NADK: variants seen among roughly 807,000 people sequenced by gnomAD.
The protein encoded by NADK is poly(P)/ATP NAD kinase.
In NADK, 22 loss-of-function variants were observed where a neutral mutation model predicts 49.8. That is an observed-to-expected ratio of 0.44 (90% CI 0.32 to 0.63). NADK has a LOEUF of 0.63. Among genes scored for constraint, NADK ranks in the 30% least tolerant of loss-of-function variants. The pLI, the probability that NADK is intolerant of heterozygous loss-of-function variation, is 0.06. For missense variants in NADK, 438 were observed against 609.4 expected (o/e 0.72, Z 2.96); for synonymous variants, 268 against 253.7 (o/e 1.06, Z -0.54).
intron 2 of NADK, among the ~76,000 whole-genome samples, chr1:1,764,343 C>T (rs184336289): frequency 2.0e-5 from 3 of 152,316 alleles, no homozygotes; most frequent in African/African-American, 7.2e-5. Flanking sequence ...GGCACCATCA[C>T]AGCTGTGCTT....
chr1:1,777,816 C>T (rs895833739), intron 1 of NADK, among the ~76,000 whole-genome samples: 9 of 152,214 alleles, frequency 5.9e-5, no homozygotes, highest in African/African-American at 2.2e-4. Context: ...AAGTACTGGG[C>T]ACTAAATCAG....
rs115032510 is a variant in NADK, at chr1:1,761,862, T to A, written c.263+90A>T. On this transcript the variant is annotated intron_variant, in intron 3 of 11. Transcript: ENST00000341426. Reference sequence around the variant, plus strand: ...ACAACTCCACACACATCCCGAGGACTCCCCCATCCCATGGCCCCCGGCACT... The same window carrying A: ...ACAACTCCACACACATCCCGAGGACACCCCCATCCCATGGCCCCCGGCACT... 8,092 of 1,178,022 alleles carry A rather than the reference T, an allele frequency of 6.9e-3. 384 individuals are homozygous for A. The African/African-American group carries it at 0.1, about 15-fold the overall frequency. The allele number at this position is 1,178,022 out of a possible 1,614,324, so 73.0% of individuals were successfully genotyped here.
At chr1:1,779,511 A>G (rs150561844), upstream of NADK, among the ~76,000 whole-genome samples, 1,160 of 152,238 alleles carry the variant, frequency 7.6e-3, 20 homozygotes, top group African/African-American at 0.027. Flanking sequence ...ATAGTGTCTC[A>G]TTCGTCCCCC....
intron 4 of NADK, 115 bp from the exon 5 acceptor site, chr1:1,756,723 G>GC (rs1347504423): frequency 5.6e-5 from 86 of 1,544,934 alleles, no homozygotes; most frequent in East Asian, 2.3e-4. Context: ...CTGCATGCCC[G>GC]CCCCCCCACG....
chr1:1,773,041 C>CA (rs568045574), intron 1 of NADK, among the ~76,000 whole-genome samples: 1,326 of 55,114 alleles, frequency 0.024, 24 homozygotes, highest in African/African-American at 0.057. Flanking sequence ...AACTCCATCT[C>CA]AAAAAAAAAA....
intron 3 of NADK, chr1:1,759,384 AT>A: frequency 7.9e-7 from 1 of 1,261,634 alleles, no homozygotes; most frequent in Non-Finnish European, 1.1e-6. Flanking sequence ...TGAAGCCAGC[AT>A]GGCCACAGCC....
chr1:1,754,563 T>C lies in NADK; in HGVS notation c.824A>G (p.Lys275Arg), dbSNP rs1247275835. 2 of 1,612,916 alleles carry C rather than the reference T, an allele frequency of 1.2e-6. No individual in the cohort carries two copies. The highest frequency in any genetic ancestry group is 3.3e-5 in the Admixed American group (2 of 59,944). ...QAAGLDMDVG[K>R]QAMQYQVLNE... ...ACTCACCTGGTACTGCATGGCCTGC[T>C]TCCCGACATCCATGTCCAGGCCTGC... Residue 275 changes from lysine to arginine, a missense_variant, in exon 8 of 12, where the codon AAG (lysine) becomes AGG (arginine). Physicochemically the swap from Lys to Arg is conservative, Grantham distance 26 (BLOSUM62 2). Transcript: ENST00000341426. This position sits in a 1 kb window ranked among gnomAD's most constrained non-coding sequence, Gnocchi z 4.3.
rs758140364 is a variant in NADK, at chr1:1,756,678, C to CA, written c.394-71dup. ...CCCTCCTGCAGGGAGGTTCCCGACTCACGGGCGCTGTGGTCAGAGACCTGG... is the reference window on the plus strand; with the variant it reads ...CCCTCCTGCAGGGAGGTTCCCGACTCAACGGGCGCTGTGGTCAGAGACCTGG... On this transcript the variant is annotated intron_variant, in intron 4 of 11. Transcript: ENST00000341426. 2.5e-6 allele frequency: 4 copies of CA among 1,606,706 alleles called. No individual in the cohort carries two copies. The East Asian group carries it at 6.7e-5, about 27-fold the overall frequency.
chr1:1,760,357 C>A (rs2100318343), intron 3 of NADK, among the ~76,000 whole-genome samples: 1 of 152,316 alleles, frequency 6.6e-6, no homozygotes, highest in East Asian at 1.9e-4. Context: ...CAAGGCCAAC[C>A]CCCGTCCTGC....
In NADK at chr1:1,778,390, G is replaced by C. The variant is rs1439822766; in HGVS notation, c.-142C>G. ...CAGCCGTCGCTACCTGGCCCTTGGCGCCCTGGCCGCCTGTTGCCCCATGGC... is the reference window on the plus strand; with the variant it reads ...CAGCCGTCGCTACCTGGCCCTTGGCCCCCTGGCCGCCTGTTGCCCCATGGC... On this transcript the variant is annotated 5_prime_UTR_variant, in exon 1 of 12. Transcript: ENST00000341426. This position sits in a 1 kb window ranked among gnomAD's most constrained non-coding sequence, Gnocchi z 4.9. 1 of 149,736 alleles carries C rather than the reference G, an allele frequency of 6.7e-6. No individual in the cohort carries two copies. The highest frequency in any genetic ancestry group is 1.5e-5 in the Non-Finnish European group (1 of 67,196). 9.3% of individuals were successfully genotyped at this position (149,736 alleles called of 1,614,324 possible).
At chr1:1,758,413 A>G (rs1382401040) in intron 3 of NADK, 2 of 1,611,800 alleles carry the variant, frequency 1.2e-6, no homozygotes, top group Non-Finnish European at 1.7e-6. Flanking sequence ...GCCATCCCCT[A>G]TGAGCTCAGC....
At chr1:1,758,293 C>G in intron 3 of NADK, 1 of 1,516,390 alleles carries the variant, frequency 6.6e-7, no homozygotes, top group African/African-American at 1.4e-5. Flanking sequence ...ACAACACAGA[C>G]GCCGATGGCA....
chr1:1,752,143 A>G lies in NADK; in HGVS notation c.*761T>C, dbSNP rs892970717. 3 of 152,540 alleles carry G rather than the reference A, an allele frequency of 2.0e-5. No homozygotes were observed. Among genetic ancestry groups the G allele is most frequent in the African/African-American group, 7.2e-5 (3 of 41,420 alleles). The allele number at this position is 152,540 out of a possible 1,614,324, so 9.4% of individuals were successfully genotyped here. ...TGGCAGACGACTCCCTTCCCCTTGAAATCTTCACAAAAGTGTGTACGAGAA... is the reference window on the plus strand; with the variant it reads ...TGGCAGACGACTCCCTTCCCCTTGAGATCTTCACAAAAGTGTGTACGAGAA... On this transcript the variant is annotated 3_prime_UTR_variant, in exon 12 of 12. Coordinates refer to ENST00000341426, the MANE Select transcript of NADK (RefSeq NM_023018.5).
At chr1:1,753,781 C>T (rs1444786889) in intron 10 of NADK, 132 bp from the exon 11 acceptor site, 13 of 848,848 alleles carry the variant, frequency 1.5e-5, no homozygotes, top group Non-Finnish European at 2.0e-5. Context: ...GTGCAGTGCA[C>T]GTCCTACAGG....
intron 11 of NADK, 54 bp from the exon 12 acceptor site, chr1:1,753,114 G>A (rs866242721): frequency 1.7e-5 from 26 of 1,558,356 alleles, no homozygotes; most frequent in Middle Eastern, 3.4e-4. Flanking sequence ...GCCCACCCCC[G>A]GCCAAGAACC....
chr1:1,771,079 C>T (rs1309204256), intron 1 of NADK, among the ~76,000 whole-genome samples: 1 of 146,416 alleles, frequency 6.8e-6, no homozygotes, highest in Non-Finnish European at 1.5e-5. Flanking sequence ...TATATATACA[C>T]ACACACACAC....
chr1:1,779,934 G>C (rs935801704), upstream of NADK: 3 of 152,278 alleles, frequency 2.0e-5, no homozygotes, highest in African/African-American at 7.2e-5. Context: ...CCTGGGACTT[G>C]AATCCAGAGA....
intron 1 of NADK, among the ~76,000 whole-genome samples, chr1:1,769,276 G>A (rs538278626): frequency 3.3e-5 from 5 of 152,356 alleles, no homozygotes; most frequent in African/African-American, 1.2e-4. Flanking sequence ...GCTGGGTGCG[G>A]TGGTTCACGC....
At chr1:1,761,335 G>A (rs1483741268) in intron 3 of NADK, among the ~76,000 whole-genome samples, 4 of 152,120 alleles carry the variant, frequency 2.6e-5, no homozygotes, top group East Asian at 1.9e-4. Context: ...CATGTTGCCC[G>A]GGCTGGTCTC....
Sources: gnomAD v4.1 joint callset for allele counts (sites outside exome capture counted in the v4.1 genomes callset) on GRCh38, gnomAD v4.1.1 for gene constraint, Gnocchi (gnomAD v3.1) non-coding constraint, MANE v1.5 for transcripts, NCBI Gene and HGNC (gene_info 2026-07-23, HGNC 2026-07-21) for gene names.